CHRM3: variants seen among roughly 807,000 people sequenced by gnomAD.
CHRM3 encodes muscarinic acetylcholine receptor M3.
In CHRM3, 11 loss-of-function variants were observed where a neutral mutation model predicts 41.8. That is an observed-to-expected ratio of 0.26 (90% CI 0.17 to 0.44). The LOEUF is 0.44. Ranked by LOEUF, CHRM3 falls within the 20% of genes least tolerant of loss-of-function variation. The pLI, the probability that CHRM3 is intolerant of heterozygous loss-of-function variation, is 1.00. For missense variants in CHRM3, 571 were observed against 745.4 expected, an observed-to-expected ratio of 0.77 and a Z score of 2.72; for synonymous variants, 297 against 301.4, an observed-to-expected ratio of 0.99 and a Z score of 0.15.
At chr1:239,621,826 G>A (rs1040528683) in intron 3 of CHRM3, among the ~76,000 whole-genome samples, 4 of 152,140 alleles carry the variant, frequency 2.6e-5, no homozygotes, top group African/African-American at 9.7e-5. Flanking sequence ...CATTGATGAA[G>A]GTGGCAACAC....
At position 239,535,250 on chromosome 1, in the gene CHRM3, C is replaced by T. The variant is rs112820295; in HGVS notation, c.-421-10391C>T. On this transcript the variant is annotated intron_variant, in intron 2 of 6. Transcript: ENST00000676153. ...GTGGCCCACACTGGCCCAGAATCCA[C>T]GTACTGTGGACTTAAACTCACTTGG... 9.3e-3 allele frequency among the ~76,000 whole-genome samples: 1,409 copies of T among 152,154 alleles called. 15 individuals carry two copies. The highest frequency in any genetic ancestry group is 0.013 in the Non-Finnish European group (899 of 68,010).
intron 6 of CHRM3, among the ~76,000 whole-genome samples, chr1:239,886,784 G>A (rs1018168342): frequency 7.2e-5 from 11 of 152,108 alleles, no homozygotes; most frequent in Non-Finnish European, 1.5e-4. Flanking sequence ...TTGTCACAAC[G>A]TATGCTGTGT....
At chr1:239,488,384 A>G (rs1667323407) in intron 1 of CHRM3, among the ~76,000 whole-genome samples, 1 of 152,166 alleles carries the variant, frequency 6.6e-6, no homozygotes, top group African/African-American at 2.4e-5. Flanking sequence ...CAACTGAATT[A>G]TAGTAAATCT....
intron 5 of CHRM3, among the ~76,000 whole-genome samples, chr1:239,713,560 T>C (rs714266): frequency 0.64 from 97,670 of 152,108 alleles, 32,231 homozygotes; most frequent in African/African-American, 0.79. Context: ...TTGCTTCTTC[T>C]ACAATTTGCA....
intron 1 of CHRM3, among the ~76,000 whole-genome samples, chr1:239,459,685 G>T (rs921763217): frequency 1.1e-4 from 17 of 152,096 alleles, no homozygotes; most frequent in African/African-American, 4.1e-4. Context: ...GTTCTCTGAG[G>T]TTCTTCTTCT....
At chr1:239,645,431 C>A (rs10925940) in intron 4 of CHRM3, among the ~76,000 whole-genome samples, 92,773 of 151,586 alleles carry the variant, frequency 0.61, 28,721 homozygotes, top group East Asian at 0.83. Flanking sequence ...CCAATATTCA[C>A]CTTTTCAGAT....
At chr1:239,694,247 T>G (rs185293829) in intron 5 of CHRM3, among the ~76,000 whole-genome samples, 1 of 152,352 alleles carries the variant, frequency 6.6e-6, no homozygotes, top group Admixed American at 6.5e-5. Context: ...ACCTAAAAAC[T>G]TATGATTGTA....
At chr1:239,836,774 G>A (rs1354928765) in intron 6 of CHRM3, among the ~76,000 whole-genome samples, 3 of 152,092 alleles carry the variant, frequency 2.0e-5, no homozygotes, top group African/African-American at 7.2e-5. Flanking sequence ...TCAAGAGATC[G>A]AGACCATCTG....
At chr1:239,586,890 G>A (rs1457279638) in intron 3 of CHRM3, among the ~76,000 whole-genome samples, 4 of 152,136 alleles carry the variant, frequency 2.6e-5, no homozygotes, top group Non-Finnish European at 5.9e-5. Flanking sequence ...GAGAAAAAAG[G>A]GAAAGTTGAA....
chr1:239,587,613 G>A (rs775330049), intron 3 of CHRM3, among the ~76,000 whole-genome samples: 3 of 152,078 alleles, frequency 2.0e-5, no homozygotes, highest in Non-Finnish European at 2.9e-5. Flanking sequence ...TCAAATTACC[G>A]GTAGACACTT....
chr1:239,866,703 T>G (rs1385989021), intron 6 of CHRM3, among the ~76,000 whole-genome samples: 3 of 152,208 alleles, frequency 2.0e-5, no homozygotes, highest in Non-Finnish European at 4.4e-5. Flanking sequence ...ATTCCTTTAT[T>G]CATTCAGCCA....
chr1:239,551,796 A>G (rs958908911), intron 3 of CHRM3, among the ~76,000 whole-genome samples: 1 of 152,160 alleles, frequency 6.6e-6, no homozygotes, highest in African/African-American at 2.4e-5. Flanking sequence ...AAATTATGTC[A>G]AGCCACTCAG....
intron 5 of CHRM3, among the ~76,000 whole-genome samples, chr1:239,696,511 TA>T (rs989670279): frequency 6.6e-6 from 1 of 152,096 alleles, no homozygotes; most frequent in Non-Finnish European, 1.5e-5. Flanking sequence ...TCCTCATCTT[TA>T]AAATGAGACC....
rs1553286784 is a variant in CHRM3 at position 239,859,817 on chromosome 1, T to TTTTATATATATATA, written c.-20+32441_-20+32454dup. On this transcript the variant is annotated intron_variant, in intron 6 of 6. Coordinates refer to ENST00000676153, the MANE Select transcript of CHRM3 (RefSeq NM_001375978.1). ...CTAAATTATATATAAGTTCTAAGTG[T>TTTTATATATATATA]TTTATATATATATATATATATATAT... Among the ~76,000 whole-genome samples the TTTTATATATATATA allele has an allele frequency of 5.0e-3, 385 of 77,352 alleles. 5 individuals are homozygous for TTTTATATATATATA. The highest frequency in any genetic ancestry group is 0.021 in the African/African-American group (366 of 17,456). The allele number at this position is 77,352 out of a possible 152,430, so 50.7% of individuals were successfully genotyped here. A position where few individuals can be genotyped will look rare whatever the true frequency, so the allele number is the denominator to read the frequency against.
intron 2 of CHRM3, among the ~76,000 whole-genome samples, chr1:239,545,360 A>G (rs1038390948): frequency 6.6e-6 from 1 of 152,128 alleles, no homozygotes; most frequent in Non-Finnish European, 1.5e-5. Flanking sequence ...AAAACTACAT[A>G]TTGGGTACAA....
chr1:239,523,763 C>T (rs1257890823), intron 2 of CHRM3, among the ~76,000 whole-genome samples: 2 of 152,006 alleles, frequency 1.3e-5, no homozygotes, highest in South Asian at 2.1e-4. Context: ...GCATAGCTGA[C>T]GTGATAAGAT....
chr1:239,588,305 G>C (rs1012563024), intron 3 of CHRM3, among the ~76,000 whole-genome samples: 2 of 152,090 alleles, frequency 1.3e-5, no homozygotes, highest in Non-Finnish European at 2.9e-5. Flanking sequence ...TAGAGATGAG[G>C]TAATGTATCT....
At chr1:239,834,290 GTTTC>G (rs1330466451) in intron 6 of CHRM3, among the ~76,000 whole-genome samples, 1 of 142,890 alleles carries the variant, frequency 7.0e-6, no homozygotes, top group Non-Finnish European at 1.5e-5. Context: ...TAATACCCAC[GTTTC>G]TTCTCAACTT....
chr1:239,668,189 C>G (rs1674019648), intron 4 of CHRM3, among the ~76,000 whole-genome samples: 1 of 146,756 alleles, frequency 6.8e-6, no homozygotes, highest in South Asian at 2.2e-4. Context: ...ACCTCTGCCT[C>G]CGAGGCCCAA....
Sources: gnomAD v4.1 joint callset for allele counts (sites outside exome capture counted in the v4.1 genomes callset) on GRCh38, gnomAD v4.1.1 for gene constraint, MANE v1.5 for transcripts, NCBI Gene and HGNC (gene_info 2026-07-23, HGNC 2026-07-21) for gene names.